The following KIF16B variants were observed in gnomAD, a reference collection of about 807,000 sequenced individuals.
The protein encoded by KIF16B is kinesin family member 16B, also known as kinesin-like protein KIF16B.
In KIF16B, 98 loss-of-function variants were observed where a neutral mutation model predicts 156.3. That is an observed-to-expected ratio of 0.63 (90% CI 0.53 to 0.74). The LOEUF is 0.74. Among genes scored for constraint, KIF16B ranks in the 30% least tolerant of loss-of-function variants. The probability of loss-of-function intolerance (pLI) is 0.00; values close to 1 mark genes in which losing one functional copy is unlikely to be tolerated. For missense variants in KIF16B, 1,421 were observed against 1,606.5 expected (o/e 0.88, Z 1.97); for synonymous variants, 564 against 583.7 (o/e 0.97, Z 0.49).
chr20:16,566,835 T>A (rs1242262938), intron 1 of KIF16B, among the ~76,000 whole-genome samples: 1 of 152,226 alleles, frequency 6.6e-6, no homozygotes, highest in African/African-American at 2.4e-5. Context: ...TAAAATCCTT[T>A]TTTTATTTTA....
chr20:16,311,251 G>C (rs1428753005), intron 25 of KIF16B, among the ~76,000 whole-genome samples: 1 of 152,244 alleles, frequency 6.6e-6, no homozygotes, highest in Non-Finnish European at 1.5e-5. Flanking sequence ...CACATTGAGA[G>C]ATGGAGGCGG....
intron 1 of KIF16B, among the ~76,000 whole-genome samples, chr20:16,565,960 A>G (rs2122142241): frequency 6.6e-6 from 1 of 152,386 alleles, no homozygotes; most frequent in South Asian, 2.1e-4. Flanking sequence ...AAGTGTGTAC[A>G]TGACGACGTT....
At chr20:16,573,153 C>G (rs1342589693) in intron 1 of KIF16B, 76 bp downstream of exon 1, 1 of 1,410,462 alleles carries the variant, frequency 7.1e-7, no homozygotes, top group African/African-American at 1.4e-5. Context: ...TCCAGGCTGG[C>G]TTTGGGGGAG....
In KIF16B at chr20:16,298,262, C is replaced by A. The variant is rs533217326; in HGVS notation, c.3795+14073G>T. ...AGAACCACAGCTTTGGGACTCACAT[C>A]CTCTGACCTTAACAAAAGAAGTCCA... On this transcript the variant is annotated intron_variant, in intron 25 of 25. Coordinates refer to ENST00000354981, the MANE Select transcript of KIF16B (RefSeq NM_024704.5). Among the ~76,000 whole-genome samples, 29 of 152,336 alleles carry A rather than the reference C, an allele frequency of 1.9e-4. No homozygotes were observed. The South Asian group carries it at 6.0e-3, about 32-fold the overall frequency.
At chr20:16,344,989 T>A (rs979955717) in intron 23 of KIF16B, among the ~76,000 whole-genome samples, 1 of 152,206 alleles carries the variant, frequency 6.6e-6, no homozygotes, top group African/African-American at 2.4e-5. Flanking sequence ...AAGGTTAGCC[T>A]CCTTCTGCAC....
intron 24 of KIF16B, among the ~76,000 whole-genome samples, chr20:16,330,172 TCA>T (rs1307041098): frequency 1.1e-4 from 17 of 152,332 alleles, no homozygotes; most frequent in African/African-American, 1.9e-4. Flanking sequence ...TCTATTTTAT[TCA>T]CAGACTTATC....
intron 17 of KIF16B, among the ~76,000 whole-genome samples, chr20:16,402,128 A>G (rs141804661): frequency 8.8e-4 from 134 of 151,952 alleles, no homozygotes; most frequent in African/African-American, 3.2e-3. Context: ...ATGCCATCAC[A>G]CTTGCTTTCC....
At chr20:16,350,620 T>C (rs2064318919) in intron 23 of KIF16B, among the ~76,000 whole-genome samples, 1 of 150,690 alleles carries the variant, frequency 6.6e-6, no homozygotes, top group African/African-American at 2.5e-5. Flanking sequence ...TTGCCCACAC[T>C]CTCCCTGCAT....
intron 1 of KIF16B, among the ~76,000 whole-genome samples, chr20:16,530,364 G>A (rs984863321): frequency 1.6e-4 from 25 of 152,106 alleles, no homozygotes; most frequent in African/African-American, 5.1e-4. Flanking sequence ...CTTCCCAGGC[G>A]GGCTTTCAAG....
intron 25 of KIF16B, among the ~76,000 whole-genome samples, chr20:16,294,940 C>G (rs769917446): frequency 6.6e-6 from 1 of 152,152 alleles, no homozygotes; most frequent in Non-Finnish European, 1.5e-5. Context: ...TTGTTTCCAC[C>G]TGGTTGTTAC....
chr20:16,346,662 C>A (rs2064240176), intron 23 of KIF16B, among the ~76,000 whole-genome samples: 1 of 152,194 alleles, frequency 6.6e-6, no homozygotes, highest in African/African-American at 2.4e-5. Context: ...TGTAATACCG[C>A]TTATTTCAGT....
chr20:16,400,968 A>G (rs935841320), intron 17 of KIF16B, among the ~76,000 whole-genome samples: 3 of 152,226 alleles, frequency 2.0e-5, no homozygotes, highest in Non-Finnish European at 4.4e-5. Context: ...AGTCATTACC[A>G]TGGGGAAGAA....
intron 25 of KIF16B, among the ~76,000 whole-genome samples, chr20:16,303,942 A>C (rs2063506561): frequency 2.0e-5 from 3 of 152,188 alleles, no homozygotes; most frequent in Admixed American, 1.3e-4. Context: ...TAAAAACACG[A>C]TCAGTAAAGA....
At chr20:16,301,792 G>GGC (rs1356826547) in intron 25 of KIF16B, among the ~76,000 whole-genome samples, 3 of 152,054 alleles carry the variant, frequency 2.0e-5, no homozygotes, top group Non-Finnish European at 4.4e-5. Context: ...TGGGATTACA[G>GGC]GCATGCACCA....
At chr20:16,507,762 T>G (rs779869956) in intron 7 of KIF16B, among the ~76,000 whole-genome samples, 196 bp downstream of exon 7, 7 of 152,216 alleles carry the variant, frequency 4.6e-5, no homozygotes, top group Non-Finnish European at 7.3e-5. Context: ...CATCAGGATA[T>G]TTCAAATTAC....
At chr20:16,493,716 T>C (rs2068366315) in intron 12 of KIF16B, among the ~76,000 whole-genome samples, 2 of 152,156 alleles carry the variant, frequency 1.3e-5, no homozygotes, top group African/African-American at 4.8e-5. Context: ...AAAAAGAAAC[T>C]TGTATTTTGA....
At chr20:16,547,621 G>C (rs2328044) in intron 1 of KIF16B, among the ~76,000 whole-genome samples, 124,556 of 151,890 alleles carry the variant, frequency 0.82, 51,527 homozygotes, top group African/African-American at 0.94. Flanking sequence ...GTCTCACTCT[G>C]AGCATGCTGC....
intron 1 of KIF16B, among the ~76,000 whole-genome samples, chr20:16,549,743 G>A (rs1311079732): frequency 1.6e-4 from 22 of 139,050 alleles, no homozygotes; most frequent in Middle Eastern, 3.5e-3. Context: ...ACAAGCAATG[G>A]GGAAAGGATT....
chr20:16,523,365 T>A (rs1019909706), intron 3 of KIF16B, among the ~76,000 whole-genome samples: 4 of 152,194 alleles, frequency 2.6e-5, no homozygotes, highest in African/African-American at 9.7e-5. Context: ...TGTGCAAGAA[T>A]CTCAAGCATT....
Sources: allele counts gnomAD v4.1 joint callset (sites outside exome capture counted in the v4.1 genomes callset), GRCh38; gene constraint gnomAD v4.1.1; transcripts MANE v1.5; gene names NCBI Gene and HGNC (gene_info 2026-07-23, HGNC 2026-07-21).